The following CFAP47 variants were observed in gnomAD, a reference collection of about 807,000 sequenced individuals.
The protein encoded by CFAP47 is cilia and flagella associated protein 47, also known as cilia- and flagella-associated protein 47.
Under a neutral mutation model 148.1 loss-of-function variants are expected in CFAP47, and 29 were observed. The observed-to-expected ratio is 0.20, with a 90% CI of 0.15 to 0.27. The LOEUF is 0.27. Ranked by LOEUF, CFAP47 falls within the 10% of genes least tolerant of loss-of-function variation. The pLI, the probability that CFAP47 is intolerant of heterozygous loss-of-function variation, is 1.00. For missense variants in CFAP47, 1,872 were observed against 1,697.5 expected (o/e 1.10, Z -1.81); for synonymous variants, 664 against 577.3 (o/e 1.15, Z -2.15).
At chrX:36,250,918 A>G (rs922492465) in intron 48 of CFAP47, among the ~76,000 whole-genome samples, 1 of 110,795 alleles carries the variant, frequency 9.0e-6, no homozygotes. Flanking sequence ...ATGCTGCTTA[A>G]ATATTTTTTA....
At chrX:36,018,618 C>A (rs188377476) in intron 22 of CFAP47, among the ~76,000 whole-genome samples, 32 of 112,143 alleles carry the variant, frequency 2.9e-4, no homozygotes, top group African/African-American at 9.1e-4. Context: ...TTTTGTCCTT[C>A]ATTCTGTTGA....
chrX:36,284,387 A>G (rs1941110558), intron 50 of CFAP47, among the ~76,000 whole-genome samples: 1 of 111,599 alleles, frequency 9.0e-6, no homozygotes, highest in Admixed American at 9.6e-5. Context: ...CTAGCTGTTT[A>G]CGTTAAATAT....
At chrX:36,066,159 C>T (rs1209524042) in intron 27 of CFAP47, among the ~76,000 whole-genome samples, 3 of 110,920 alleles carry the variant, frequency 2.7e-5, no homozygotes, top group Admixed American at 1.9e-4. Context: ...GGAATTGCTG[C>T]AGGGGAAATT....
chrX:36,358,197 C>G (rs1462590554), intron 60 of CFAP47, among the ~76,000 whole-genome samples: 1 of 111,934 alleles, frequency 8.9e-6, no homozygotes, highest in Non-Finnish European at 1.9e-5. Context: ...AAAAGACTGC[C>G]AACCTTATCC....
At chrX:36,097,729 C>T (rs1467089211) in intron 30 of CFAP47, among the ~76,000 whole-genome samples, 1 of 110,554 alleles carries the variant, frequency 9.0e-6, no homozygotes, top group Non-Finnish European at 1.9e-5. Flanking sequence ...GTTGAGGTAG[C>T]CTGCTTTGGG....
chrX:36,276,862 G>T (rs1941023537), intron 49 of CFAP47, among the ~76,000 whole-genome samples: 2 of 111,936 alleles, frequency 1.8e-5, no homozygotes, highest in Admixed American at 9.5e-5. Context: ...TTAAATATAG[G>T]ATGGTGATCT....
intron 43 of CFAP47, among the ~76,000 whole-genome samples, chrX:36,201,070 A>G (rs907973564): frequency 9.0e-6 from 1 of 111,367 alleles, no homozygotes; most frequent in Admixed American, 9.6e-5. Context: ...CTTAGAGAAT[A>G]CCAATAATCT....
chrX:36,215,204 C>A (rs1460010851), intron 45 of CFAP47, among the ~76,000 whole-genome samples: 3 of 111,494 alleles, frequency 2.7e-5, no homozygotes, highest in African/African-American at 9.8e-5. Flanking sequence ...TAGTGCATGA[C>A]TGTATATGCA....
chrX:35,982,276 G>A (rs1169822443), intron 15 of CFAP47, among the ~76,000 whole-genome samples: 1 of 111,675 alleles, frequency 9.0e-6, no homozygotes, highest in African/African-American at 3.3e-5. Context: ...GTGATGTTGA[G>A]AATTTTTATA....
chrX:36,076,617 C>A (rs1420282168), intron 29 of CFAP47, among the ~76,000 whole-genome samples: 1 of 110,766 alleles, frequency 9.0e-6, no homozygotes, highest in Non-Finnish European at 1.9e-5. Context: ...GTTTCAGTTC[C>A]TTCTAGGTTA....
chrX:36,225,701 A>C (rs1940262323), intron 45 of CFAP47, among the ~76,000 whole-genome samples: 3 of 111,326 alleles, frequency 2.7e-5, no homozygotes, highest in Admixed American at 9.6e-5. Context: ...ATCCATAGAG[A>C]TCTGTCCCAT....
chrX:35,946,467 C>CT (rs1936086970), intron 3 of CFAP47, among the ~76,000 whole-genome samples: 1 of 111,000 alleles, frequency 9.0e-6, no homozygotes, highest in African/African-American at 3.3e-5. Context: ...ATTTATATAC[C>CT]TTTTTTTCTT....
At chrX:35,924,653 TCTTC>T (rs1935707646) in intron 1 of CFAP47, among the ~76,000 whole-genome samples, 1 of 110,092 alleles carries the variant, frequency 9.1e-6, no homozygotes, top group Non-Finnish European at 1.9e-5. Flanking sequence ...ATTAGGTTGT[TCTTC>T]CTTTTTTCTG....
chrX:36,342,678 C>T (rs927173206), intron 57 of CFAP47, among the ~76,000 whole-genome samples: 7 of 111,897 alleles, frequency 6.3e-5, no homozygotes, highest in Middle Eastern at 4.6e-3. Flanking sequence ...ATAAATTCTT[C>T]ACTTCATACA....
intron 62 of CFAP47, chrX:36,374,704 A>AGTTTT: frequency 2.7e-6 from 1 of 369,543 alleles, no homozygotes; most frequent in Middle Eastern, 8.0e-4. Flanking sequence ...CATCCCATTA[A>AGTTTT]GTTTTGTTTT....
rs1462018824 is a variant in CFAP47 at position 36,377,843 on chromosome X, C to A, written c.9186-1507C>A. ...TATAATGCACTTTTTGTGTGTCAGG[C>A]ATTAATCTAATCGCTTTGCAGTGAC... On this transcript the variant is annotated intron_variant, in intron 62 of 63. Coordinates refer to ENST00000378653, the MANE Select transcript of CFAP47 (RefSeq NM_001304548.2). Among the ~76,000 whole-genome samples, 3 of 112,169 alleles carry A rather than the reference C, an allele frequency of 2.7e-5. No homozygotes were observed. In the East Asian group the frequency reaches 8.4e-4, roughly 31 times the overall value.
chrX:36,316,013 C>T (rs368494718), intron 56 of CFAP47, among the ~76,000 whole-genome samples: 2 of 111,628 alleles, frequency 1.8e-5, no homozygotes, highest in South Asian at 7.5e-4. Flanking sequence ...AGAGGCTTAA[C>T]AACTTGTTCA....
chrX:35,963,138 C>T (rs2146655737), intron 8 of CFAP47, among the ~76,000 whole-genome samples: 1 of 110,589 alleles, frequency 9.0e-6, no homozygotes, highest in Admixed American at 9.7e-5. Context: ...CTCATAGAAG[C>T]AGATAGTAGA....
At chrX:36,033,011 A>G (rs1041641435) in intron 23 of CFAP47, among the ~76,000 whole-genome samples, 1 of 111,826 alleles carries the variant, frequency 8.9e-6, no homozygotes, top group African/African-American at 3.2e-5. Flanking sequence ...AGAAAAGGCA[A>G]TGAAATGGGC....
Sources: allele counts gnomAD v4.1 joint callset (sites outside exome capture counted in the v4.1 genomes callset), GRCh38; gene constraint gnomAD v4.1.1; transcripts MANE v1.5; gene names NCBI Gene and HGNC (gene_info 2026-07-23, HGNC 2026-07-21).